PTPRN2: variants seen among roughly 807,000 people sequenced by gnomAD.
The protein encoded by PTPRN2 is protein tyrosine phosphatase receptor type N2, also known as receptor-type tyrosine-protein phosphatase N2.
PTPRN2 carries 74 observed loss-of-function variants against 118.8 expected under a neutral mutation model. That is an observed-to-expected ratio of 0.62 (90% CI 0.52 to 0.76). The LOEUF (loss-of-function observed/expected upper bound fraction) is 0.76, where lower values mean the gene tolerates loss of function less well. Among genes scored for constraint, PTPRN2 ranks in the 30% least tolerant of loss-of-function variants. The pLI is 0.00. For synonymous variants in PTPRN2, 641 were observed against 608.0 expected (o/e 1.05, Z -0.80); for missense variants, 1,481 against 1,394.4 (o/e 1.06, Z -0.99).
Position 157,794,275 on chromosome 7 carries a change from CG to C in PTPRN2, c.1788+104397del, listed in dbSNP as rs1563116182. 1.1e-4 allele frequency among the ~76,000 whole-genome samples: 14 copies of C among 133,172 alleles called. No individual in the cohort carries two copies. Among genetic ancestry groups the C allele is most frequent in the African/African-American group, 4.3e-4 (14 of 32,208 alleles). The allele number at this position is 133,172 out of a possible 152,430, so 87.4% of individuals were successfully genotyped here. ...TCACACCTCCCCTCGTTCTCTGCTC[CG>C]ACCCGGGCTCACACCTCCCCTCGTT... On this transcript the variant is annotated intron_variant, in intron 12 of 22. Coordinates refer to ENST00000389418, the MANE Select transcript of PTPRN2 (RefSeq NM_002847.5). This position sits in a 1 kb window ranked among gnomAD's most constrained non-coding sequence, Gnocchi z 5.2.
intron 3 of PTPRN2, among the ~76,000 whole-genome samples, chr7:158,313,161 G>A (rs1328630176): frequency 6.6e-6 from 1 of 152,182 alleles, no homozygotes; most frequent in African/African-American, 2.4e-5. Flanking sequence ...TGCATGTGCA[G>A]GTACGTGTGC....
At chr7:157,733,909 T>G (rs71541694) in intron 12 of PTPRN2, among the ~76,000 whole-genome samples, 4 of 36,074 alleles carry the variant, frequency 1.1e-4, no homozygotes, top group Admixed American at 2.6e-4. Flanking sequence ...GTTACCCTTT[T>G]CCGTCCCAGG....
intron 2 of PTPRN2, among the ~76,000 whole-genome samples, chr7:158,341,637 C>A (rs1445136598): frequency 1.2e-5 from 1 of 85,366 alleles, no homozygotes. Context: ...AGAGGTAACA[C>A]ATGCAGACGT....
chr7:157,898,231 C>A (rs911680541), intron 12 of PTPRN2, among the ~76,000 whole-genome samples: 1 of 152,230 alleles, frequency 6.6e-6, no homozygotes, highest in African/African-American at 2.4e-5. Context: ...GGAAGCATTT[C>A]CTGTTTTATA....
At chr7:158,416,967 A>C (rs1296836803) in intron 2 of PTPRN2, among the ~76,000 whole-genome samples, 1 of 152,244 alleles carries the variant, frequency 6.6e-6, no homozygotes, top group Non-Finnish European at 1.5e-5. Flanking sequence ...GCTCACAACT[A>C]TCACAGCCTA....
At chr7:158,302,436 G>T (rs547192455) in intron 3 of PTPRN2, among the ~76,000 whole-genome samples, 2 of 152,354 alleles carry the variant, frequency 1.3e-5, no homozygotes, top group South Asian at 4.1e-4. Flanking sequence ...CACAGGATCA[G>T]CTCGGTCCTC....
At chr7:158,553,179 A>C (rs780981088) in intron 1 of PTPRN2, among the ~76,000 whole-genome samples, 1 of 150,800 alleles carries the variant, frequency 6.6e-6, no homozygotes, top group Non-Finnish European at 1.5e-5. Context: ...ACACACATAC[A>C]GGCTTGGGAG....
intron 12 of PTPRN2, among the ~76,000 whole-genome samples, chr7:157,775,257 C>T (rs573400650): frequency 1.0e-3 from 155 of 152,326 alleles, no homozygotes; most frequent in African/African-American, 3.1e-3. Flanking sequence ...CAGCTACTGT[C>T]ATATGAGCTG....
At position 158,587,568 on chromosome 7, in the gene PTPRN2, C is replaced by G. The variant is rs747021857; in HGVS notation, c.102G>C (p.Pro34=). 3 of 1,334,700 alleles carry G rather than the reference C, an allele frequency of 2.2e-6. No individual in the cohort carries two copies. Among genetic ancestry groups the G allele is most frequent in the South Asian group, 1.9e-5 (1 of 52,222 alleles). 82.7% of individuals were successfully genotyped at this position (1,334,700 alleles called of 1,614,324 possible). ...GCGCCCCCCACTCACCCAGACGCCC[C>G]GGGAGCTGCCGGCCGCGGGGGACGG... ...PSSVPRGRQL[P]GRLGCLLEEG... The change falls in exon 1 of 23, where the codon CCG becomes CCC. Residue 34 remains proline (P), a synonymous_variant. Coordinates refer to ENST00000389418, the MANE Select transcript of PTPRN2 (RefSeq NM_002847.5).
Position 158,327,711 on chromosome 7 carries a change from G to C in PTPRN2, c.164-10779C>G, listed in dbSNP as rs904540778. 1.5e-3 allele frequency among the ~76,000 whole-genome samples: 234 copies of C among 152,304 alleles called. 1 individual carries two copies. The highest frequency in any genetic ancestry group is 2.8e-3 in the Non-Finnish European group (192 of 68,024). ...CATTCTTTCCTGCCTCCCCTGCTGG[G>C]GTCCCTCAGGACCCTGCCTCTCTCC... is the stretch of plus-strand genomic sequence containing the variant. On this transcript the variant is annotated intron_variant, in intron 2 of 22. Coordinates refer to ENST00000389418, the MANE Select transcript of PTPRN2 (RefSeq NM_002847.5).
rs1356410261 is a variant in PTPRN2, at chr7:157,813,414, C to T, written c.1788+85259G>A. 2.0e-5 allele frequency among the ~76,000 whole-genome samples: 3 copies of T among 152,084 alleles called. No homozygotes were observed. Among genetic ancestry groups the T allele is most frequent in the East Asian group, 3.9e-4 (2 of 5,176 alleles). On this transcript the variant is annotated intron_variant, in intron 12 of 22. Coordinates refer to ENST00000389418, the MANE Select transcript of PTPRN2 (RefSeq NM_002847.5). The surrounding 1 kb of genome is among the most constrained non-coding windows in gnomAD (Gnocchi z 4.7). ...CCAGAGTCAGAGGCGGACAGGGGTTCGATACGCCATTCAGGTCCCCAAAAC... is the reference window on the plus strand; with the variant it reads ...CCAGAGTCAGAGGCGGACAGGGGTTTGATACGCCATTCAGGTCCCCAAAAC...
At chr7:158,092,059 T>C (rs1814220959) in intron 10 of PTPRN2, among the ~76,000 whole-genome samples, 1 of 140,316 alleles carries the variant, frequency 7.1e-6, no homozygotes, top group Admixed American at 7.1e-5. Flanking sequence ...AGGTGATGGA[T>C]AGGTAGAGAG....
rs946196499 is a variant in PTPRN2 at position 157,773,397 on chromosome 7, G to A, written c.1789-90460C>T. The stretch of plus-strand genomic sequence containing the variant: ...AGATGAAAACCTGTTCTTACAATGC[G>A]TGGGACTCTTACCCTGACGAGCTCT... On this transcript the variant is annotated intron_variant, in intron 12 of 22. Coordinates refer to ENST00000389418, the MANE Select transcript of PTPRN2 (RefSeq NM_002847.5). Among the ~76,000 whole-genome samples the A allele has an allele frequency of 5.3e-5, 8 of 152,328 alleles. No homozygotes were observed. The East Asian group carries it at 7.7e-4, about 15-fold the overall frequency.
chr7:158,100,299 T>C (rs1815131729), intron 10 of PTPRN2, among the ~76,000 whole-genome samples: 1 of 151,806 alleles, frequency 6.6e-6, no homozygotes, highest in African/African-American at 2.4e-5. Flanking sequence ...CTTTATCTAC[T>C]CATTGATTGA....
chr7:157,950,821 T>C (rs1800765199), intron 11 of PTPRN2, among the ~76,000 whole-genome samples: 1 of 152,212 alleles, frequency 6.6e-6, no homozygotes, highest in African/African-American at 2.4e-5. Context: ...TACTGTGTAC[T>C]GAACCAGGAA....
intron 2 of PTPRN2, among the ~76,000 whole-genome samples, chr7:158,394,007 C>A (rs1440249999): frequency 6.6e-6 from 1 of 152,068 alleles, no homozygotes; most frequent in South Asian, 2.1e-4. Flanking sequence ...TCCTGGGTAA[C>A]AATGTCCCAC....
chr7:158,023,533 T>C (rs1257286064), intron 11 of PTPRN2, among the ~76,000 whole-genome samples: 1 of 152,174 alleles, frequency 6.6e-6, no homozygotes. Flanking sequence ...CACTGTCCCA[T>C]CCACTGCAAA....
intron 6 of PTPRN2, among the ~76,000 whole-genome samples, chr7:158,154,586 T>C (rs893048705): frequency 1.3e-5 from 2 of 152,322 alleles, no homozygotes; most frequent in Admixed American, 1.3e-4. Flanking sequence ...ATGTTCTTTA[T>C]GGTAAAGATC....
chr7:158,584,530 GATGCC>G (rs1374303304), intron 1 of PTPRN2, among the ~76,000 whole-genome samples: 1 of 152,184 alleles, frequency 6.6e-6, no homozygotes, highest in East Asian at 1.9e-4. Flanking sequence ...CACTAGAAAG[GATGCC>G]ATGTTCCCCT....
Sources: gnomAD v4.1 joint callset for allele counts (sites outside exome capture counted in the v4.1 genomes callset) on GRCh38, gnomAD v4.1.1 for gene constraint, Gnocchi (gnomAD v3.1) non-coding constraint, MANE v1.5 for transcripts, NCBI Gene and HGNC (gene_info 2026-07-23, HGNC 2026-07-21) for gene names.